ZNF215: variants seen among roughly 807,000 people sequenced by gnomAD.
The protein encoded by ZNF215 is BWSCR2-associated zinc finger protein 2.
In ZNF215, 24 loss-of-function variants were observed where a neutral mutation model predicts 27.2. That is an observed-to-expected ratio of 0.88 (90% CI 0.64 to 1.24). The LOEUF (loss-of-function observed/expected upper bound fraction) is 1.24. ZNF215 is among the 50% of genes most tolerant of loss of function. ZNF215 has a pLI of 0.00. For missense variants in ZNF215, 675 were observed against 605.7 expected (o/e 1.11, Z -1.20); for synonymous variants, 210 against 204.0 (o/e 1.03, Z -0.25).
At chr11:6,934,706 A>G (rs1849376461) in intron 3 of ZNF215, among the ~76,000 whole-genome samples, 1 of 152,188 alleles carries the variant, frequency 6.6e-6, no homozygotes. Flanking sequence ...GATTCATGTA[A>G]TTAGGTTGTG....
Position 6,955,794 on chromosome 11 carries a change from T to C in ZNF215, c.817T>C (p.Leu273=). Residue 273 remains leucine, a synonymous_variant, in exon 7 of 7, where the codon TTA becomes CTA. Transcript: ENST00000278319. ...AGATGCCTGGAAAGGTGAGAATTGG[T>C]TATATAGGAACCAGAAAAAATGGGA... The part of the protein sequence containing the change: ...SSDAWKGENW[L]YRNQKKWDIN... 6.2e-7 allele frequency: 1 copy of C among 1,613,746 alleles called. No homozygotes were observed. The highest frequency in any genetic ancestry group is 1.3e-5 in the African/African-American group (1 of 74,986).
chr11:6,959,242 A>G (rs769492170), downstream of ZNF215, among the ~76,000 whole-genome samples: 2 of 152,184 alleles, frequency 1.3e-5, no homozygotes, highest in Non-Finnish European at 2.9e-5. Context: ...CTATAAAGGG[A>G]TGAGGGCATG....
At chr11:6,951,390 G>C (rs1310409438) in intron 6 of ZNF215, among the ~76,000 whole-genome samples, 1 of 152,144 alleles carries the variant, frequency 6.6e-6, no homozygotes, top group East Asian at 1.9e-4. Context: ...GTAAGCTATT[G>C]ATTGTTGCCA....
intron 4 of ZNF215, among the ~76,000 whole-genome samples, chr11:6,942,274 G>T (rs1254472214): frequency 3.9e-5 from 6 of 152,180 alleles, no homozygotes; most frequent in Admixed American, 6.5e-5. Flanking sequence ...ATTTCAGTGT[G>T]ATTGAAGGTG....
rs565981716 is a variant in ZNF215, at chr11:6,943,506, T to C, written c.617-40T>C. 1.4e-5 allele frequency: 22 copies of C among 1,531,056 alleles called. No individual in the cohort carries two copies. In the South Asian group the frequency reaches 2.0e-4, roughly 14 times the overall value. 94.8% of individuals were successfully genotyped at this position (1,531,056 alleles called of 1,614,324 possible). On this transcript the variant is annotated intron_variant, in intron 5 of 6. Coordinates refer to ENST00000278319, the MANE Select transcript of ZNF215 (RefSeq NM_013250.4). ...ATAAAAATGTCTGAAGTGTCATATATGTTTGTTGTTGTTGTTCTTTTTATT... is the reference window on the plus strand; with the variant it reads ...ATAAAAATGTCTGAAGTGTCATATACGTTTGTTGTTGTTGTTCTTTTTATT...
At chr11:6,944,420 C>G (rs1382671889) in intron 6 of ZNF215, among the ~76,000 whole-genome samples, 1 of 137,690 alleles carries the variant, frequency 7.3e-6, no homozygotes, top group African/African-American at 2.7e-5. Flanking sequence ...TAAACTGTAT[C>G]ACTTATTTTA....
intron 1 of ZNF215, among the ~76,000 whole-genome samples, chr11:6,927,429 C>A (rs1279494773): frequency 1.3e-5 from 2 of 152,188 alleles, no homozygotes; most frequent in African/African-American, 4.8e-5. Context: ...ACCCTCTTCA[C>A]AGACAGTACC....
At position 6,932,351 on chromosome 11, in the gene ZNF215, G is replaced by A. The variant is rs756287944; in HGVS notation, c.79G>A (p.Ala27Thr). The A allele has an allele frequency of 1.2e-5, 20 of 1,614,072 alleles. No individual in the cohort carries two copies. The highest frequency in any genetic ancestry group is 6.7e-5 in the East Asian group (3 of 44,902). Residue 27 changes from alanine to threonine, a missense_variant, in exon 3 of 7, where the codon GCA becomes ACA. Physicochemically the swap from Ala to Thr is moderately conservative, Grantham distance 58. Transcript: ENST00000278319. ...SLREQREVLR[A>T]DMSWQQETNP... is the part of the protein sequence containing the mutation. ...ACGTGAACAAAGAGAGGTTCTGAGA[G>A]CAGATATGTCTTGGCAGCAGGAAAC...
At chr11:6,943,454 C>A in intron 5 of ZNF215, 92 bp from the exon 6 acceptor site, 1 of 1,268,424 alleles carries the variant, frequency 7.9e-7, no homozygotes, top group Non-Finnish European at 1.1e-6. Flanking sequence ...GCTTGGATTA[C>A]TGTGTCGGGA....
At chr11:6,961,515 G>A (rs1850516570), downstream of ZNF215, among the ~76,000 whole-genome samples, 1 of 152,112 alleles carries the variant, frequency 6.6e-6, no homozygotes, top group East Asian at 1.9e-4. Flanking sequence ...AATACCTTAT[G>A]TAATATTCTC....
intron 5 of ZNF215, among the ~76,000 whole-genome samples, chr11:6,969,056 C>T (rs1031903174): frequency 6.6e-6 from 1 of 152,040 alleles, no homozygotes; most frequent in Admixed American, 6.6e-5. Context: ...ATGCCATGTG[C>T]TGATTCTTCC....
intron 5 of ZNF215, among the ~76,000 whole-genome samples, chr11:6,965,546 A>G (rs1027794292): frequency 6.6e-6 from 1 of 152,140 alleles, no homozygotes; most frequent in South Asian, 2.1e-4. Flanking sequence ...GTGTCTTGCA[A>G]TATGTAAACA....
Position 6,956,444 on chromosome 11 carries a change from A to G in ZNF215, c.1467A>G (p.Pro489=). 1 of 1,614,156 alleles carries G rather than the reference A, an allele frequency of 6.2e-7. No homozygotes were observed. The highest frequency in any genetic ancestry group is 8.5e-7 in the Non-Finnish European group (1 of 1,180,020). ...RHQMIHTGEK[P]FKCKECSKAF... is the part of the protein sequence containing the mutation. Reference sequence around the variant, plus strand: ...AAATGATTCACACGGGAGAGAAACCATTCAAATGTAAGGAATGTAGTAAAG... The same window carrying G: ...AAATGATTCACACGGGAGAGAAACCGTTCAAATGTAAGGAATGTAGTAAAG... The change falls in exon 7 of 7, where the codon CCA becomes CCG. Residue 489 remains proline (P), a synonymous_variant. Transcript: ENST00000278319.
chr11:6,963,038 G>C (rs147196748), downstream of ZNF215, among the ~76,000 whole-genome samples: 1 of 152,060 alleles, frequency 6.6e-6, no homozygotes, highest in East Asian at 1.9e-4. Context: ...CAAATTAACA[G>C]CTCTACCCAT....
At chr11:6,980,978 A>C (rs1381449784) in intron 5 of ZNF215, among the ~76,000 whole-genome samples, 1 of 149,662 alleles carries the variant, frequency 6.7e-6, no homozygotes, top group African/African-American at 2.5e-5. Flanking sequence ...CATGGTGTAT[A>C]TGTGCCACAT....
chr11:6,929,225 G>C (rs984828362), intron 2 of ZNF215, among the ~76,000 whole-genome samples: 1 of 152,060 alleles, frequency 6.6e-6, no homozygotes, highest in African/African-American at 2.4e-5. Context: ...TGCATTCACA[G>C]AGAAAAAAAG....
At chr11:6,942,409 G>A (rs1430059400) in intron 4 of ZNF215, among the ~76,000 whole-genome samples, 1 of 152,190 alleles carries the variant, frequency 6.6e-6, no homozygotes, top group Non-Finnish European at 1.5e-5. Context: ...TCTGAGGGCT[G>A]AAAATATGAT....
At chr11:6,958,052 T>C (rs2133309866), downstream of ZNF215, 3 of 985,444 alleles carry the variant, frequency 3.0e-6, no homozygotes, top group South Asian at 9.4e-5. Flanking sequence ...AATCTATGTT[T>C]GTTCATCCTT....
chr11:6,989,267 ACAT>A (rs1851093890), downstream of ZNF215, among the ~76,000 whole-genome samples: 1 of 152,200 alleles, frequency 6.6e-6, no homozygotes, highest in Non-Finnish European at 1.5e-5. Flanking sequence ...CTGGGAAAAA[ACAT>A]CAGCAGTCTG....
Sources: gnomAD v4.1 joint callset for allele counts (sites outside exome capture counted in the v4.1 genomes callset) on GRCh38, gnomAD v4.1.1 for gene constraint, MANE v1.5 for transcripts, NCBI Gene and HGNC (gene_info 2026-07-23, HGNC 2026-07-21) for gene names.